Variants in DST observed in about 807,000 individuals in gnomAD.
DST encodes dystonin, also known as bullous pemphigoid antigen.
DST carries 253 observed loss-of-function variants against 875.2 expected under a neutral mutation model. That is an observed-to-expected ratio of 0.29 (90% CI 0.26 to 0.32). The LOEUF (loss-of-function observed/expected upper bound fraction) is 0.32, where lower values mean the gene tolerates loss of function less well. Ranked by LOEUF, DST falls within the 10% of genes least tolerant of loss-of-function variation. The pLI is 1.00. For missense variants in DST, 8,287 were observed against 9,111.6 expected, an observed-to-expected ratio of 0.91 and a Z score of 3.68; for synonymous variants, 3,124 against 3,197.1, an observed-to-expected ratio of 0.98 and a Z score of 0.77.
Position 56,607,661 on chromosome 6 carries a change from C to T in DST, c.6967G>A (p.Ala2323Thr), listed in dbSNP as rs1364832608. ...TTAGGATCAATTGATATTGTACTTG[C>T]CAGTTTTCCTGACTGAGAAAATTCA... ...NSEFSQSGKL[A>T]STISIDPKVN... Residue 2323 changes from alanine to threonine, a missense_variant, in exon 40 of 104, where the codon GCA (alanine) becomes ACA (threonine). This residue lies in a region of DST where 3,138 missense variants were observed against 3,116.6 expected (regional missense o/e 1.01). Transcript: ENST00000680361. 1 of 1,613,428 alleles carries T rather than the reference C, an allele frequency of 6.2e-7. No individual in the cohort carries two copies. Among genetic ancestry groups the T allele is most frequent in the Admixed American group, 1.7e-5 (1 of 59,894 alleles).
At position 56,527,502 on chromosome 6, in the gene DST, C is replaced by T. The variant is rs2096824709; in HGVS notation, c.17913G>A (p.Met5971Ile). The T allele has an allele frequency of 6.2e-7, 1 of 1,613,344 alleles. No individual in the cohort carries two copies. The highest frequency in any genetic ancestry group is 8.5e-7 in the Non-Finnish European group (1 of 1,179,600). Residue 5971 changes from methionine to isoleucine, a missense_variant, in exon 68 of 104, where the codon ATG becomes ATA. Transcript: ENST00000680361. ...AGAAATCAGAGCTTACCTTTGGTCTCATTTGTGCTTGACTTGCTTCTTCTC... is the reference window on the plus strand; with the variant it reads ...AGAAATCAGAGCTTACCTTTGGTCTTATTTGTGCTTGACTTGCTTCTTCTC... ...LKGEEASQAQ[M>I]RPKELKKEAK...
intron 49 of DST, among the ~76,000 whole-genome samples, chr6:56,586,663 G>A (rs2098158632): frequency 6.6e-6 from 1 of 152,144 alleles, no homozygotes; most frequent in Non-Finnish European, 1.5e-5. Context: ...GCACCCCCCA[G>A]TAGGGGCAGA....
chr6:56,939,345 A>G (rs1452949244), intron 2 of DST, among the ~76,000 whole-genome samples: 4 of 152,240 alleles, frequency 2.6e-5, no homozygotes, highest in African/African-American at 9.6e-5. Context: ...AAGGAAACTC[A>G]TTAAGAGCTC....
chr6:56,674,148 T>C (rs903954639), intron 9 of DST, among the ~76,000 whole-genome samples: 1 of 152,164 alleles, frequency 6.6e-6, no homozygotes, highest in African/African-American at 2.4e-5. Flanking sequence ...TTCTAGAAAG[T>C]AATCAAGCTA....
chr6:56,783,011 AG>A (rs1298159121), intron 4 of DST, among the ~76,000 whole-genome samples: 2 of 152,146 alleles, frequency 1.3e-5, no homozygotes, highest in Non-Finnish European at 1.5e-5. Flanking sequence ...CAGGTTGTTC[AG>A]TTTCCATGCA....
chr6:56,487,377 T>C (rs1242847007), intron 86 of DST, 104 bp from the exon 87 acceptor site: 1 of 1,046,918 alleles, frequency 9.6e-7, no homozygotes, highest in African/African-American at 1.6e-5. Flanking sequence ...GAATTATAGA[T>C]GCTTTCTGAC....
At chr6:56,463,522 T>G in intron 101 of DST, 43 bp downstream of exon 101, 1 of 1,489,638 alleles carries the variant, frequency 6.7e-7, no homozygotes, top group Non-Finnish European at 9.0e-7. Flanking sequence ...ACTTGGGACA[T>G]TGATTGCAAA....
intron 5 of DST, among the ~76,000 whole-genome samples, chr6:56,712,090 C>CAAA (rs34769867): frequency 2.6e-4 from 20 of 76,550 alleles, no homozygotes; most frequent in Non-Finnish European, 3.8e-4. Context: ...GACTCCGTCT[C>CAAA]AAAAAAAAAA....
At chr6:56,902,134 TAGAC>T (rs1011493473) in intron 2 of DST, among the ~76,000 whole-genome samples, 1 of 152,136 alleles carries the variant, frequency 6.6e-6, no homozygotes, top group Non-Finnish European at 1.5e-5. Context: ...ACATAGATGA[TAGAC>T]AGATGGGTGG....
At chr6:56,615,572 A>G (rs2098605604) in intron 36 of DST, 2 of 1,614,176 alleles carry the variant, frequency 1.2e-6, no homozygotes, top group African/African-American at 1.3e-5. Context: ...AGATACTTCT[A>G]ACAGTTTAAG....
chr6:56,764,232 A>T, intron 4 of DST, among the ~76,000 whole-genome samples: 1 of 152,072 alleles, frequency 6.6e-6, no homozygotes, highest in Non-Finnish European at 1.5e-5. Context: ...TATGCTCCCC[A>T]GTGGCTGAAC....
intron 4 of DST, among the ~76,000 whole-genome samples, chr6:56,783,382 G>A (rs2099698317): frequency 6.6e-6 from 1 of 152,006 alleles, no homozygotes. Flanking sequence ...GGTCACTCAG[G>A]ACTTGCTTTA....
intron 92 of DST, 136 bp from the exon 93 acceptor site, chr6:56,474,138 G>C: frequency 1.3e-6 from 1 of 757,348 alleles, no homozygotes; most frequent in Middle Eastern, 3.7e-4. Context: ...TTTATCTTTA[G>C]GGTAAAAAAA....
chr6:56,607,323 T>C lies in DST; in HGVS notation c.7305A>G (p.Leu2435=), dbSNP rs778557902. 2 of 1,613,480 alleles carry C rather than the reference T, an allele frequency of 1.2e-6. No homozygotes were observed. The highest frequency in any genetic ancestry group is 1.3e-5 in the African/African-American group (1 of 75,032). The change falls in exon 40 of 104, where the codon CTA becomes CTG. Residue 2435 remains leucine (L), a synonymous_variant. Transcript: ENST00000680361. ...ATTTATCATGACTTAACAAGGCACT[T>C]AGCCTGGGGGAATAGTCAAAGATAG... ...DSPIFDYSPR[L]SALLSHDKLM... is the part of the protein sequence containing the mutation.
chr6:56,683,301 T>C (rs1163841024), intron 9 of DST, among the ~76,000 whole-genome samples: 5 of 152,200 alleles, frequency 3.3e-5, no homozygotes, highest in African/African-American at 1.2e-4. Context: ...ATTGGGCTTC[T>C]ACCTTCTTCT....
intron 4 of DST, chr6:56,843,577 C>T: frequency 2.0e-6 from 2 of 984,006 alleles, no homozygotes; most frequent in Non-Finnish European, 2.4e-6. Flanking sequence ...TCGGGCCGGG[C>T]CGAGGCCGCG....
At chr6:56,826,019 TAAG>T (rs916529267) in intron 4 of DST, among the ~76,000 whole-genome samples, 8 of 152,206 alleles carry the variant, frequency 5.3e-5, no homozygotes, top group African/African-American at 1.9e-4. Flanking sequence ...TAAAGTTAGA[TAAG>T]AAACAAAACA....
chr6:56,902,970 T>A (rs933459478), intron 2 of DST, among the ~76,000 whole-genome samples: 5 of 149,264 alleles, frequency 3.3e-5, no homozygotes, highest in Admixed American at 3.3e-4. Context: ...TGTCTTTCCT[T>A]CTCAATCTCA....
rs1367499981 is a variant in DST at position 56,526,347 on chromosome 6, C to A, written c.18129+14G>T. Reference sequence around the variant, plus strand: ...GAAAATTTATTGCCTAAACAACAAACCATTTTTCCCTACCTGCTGTGATCG... The same window carrying A: ...GAAAATTTATTGCCTAAACAACAAAACATTTTTCCCTACCTGCTGTGATCG... On this transcript the variant is annotated intron_variant, in intron 69 of 103. Transcript: ENST00000680361. The A allele has an allele frequency of 6.2e-7, 1 of 1,612,914 alleles. No individual in the cohort carries two copies. Among genetic ancestry groups the A allele is most frequent in the South Asian group, 1.1e-5 (1 of 91,030 alleles).
Sources: allele counts gnomAD v4.1 joint callset (sites outside exome capture counted in the v4.1 genomes callset), GRCh38; gene constraint gnomAD v4.1.1; regional missense constraint gnomAD v4.1.1; transcripts MANE v1.5; gene names NCBI Gene and HGNC (gene_info 2026-07-23, HGNC 2026-07-21).